CD40: variants seen among roughly 807,000 people sequenced by gnomAD.
CD40 encodes the protein tumor necrosis factor receptor superfamily member 5.
Under a neutral mutation model 38.5 loss-of-function variants are expected in CD40, and 19 were observed. The ratio of observed to expected loss-of-function variants is 0.49; its 90% CI spans 0.34 to 0.72. The LOEUF (loss-of-function observed/expected upper bound fraction) is 0.72. CD40 is among the 30% of genes least tolerant of loss of function. The probability of loss-of-function intolerance (pLI) is 0.01; values close to 1 mark genes in which losing one functional copy is unlikely to be tolerated. For missense variants in CD40, 256 were observed against 344.1 expected (o/e 0.74, Z 2.03); for synonymous variants, 130 against 128.7 (o/e 1.01, Z -0.07).
In CD40 at chr20:46,118,314, A is replaced by T. The variant is rs751711543; in HGVS notation, c.-30A>T. On this transcript the variant is annotated 5_prime_UTR_variant, in exon 1 of 9. Transcript: ENST00000372285. ...CAGCAGAGGCCTCGCTCGGGCGCCCAGTGGTCCTGCCGCCTGGTCTCACCT... is the reference window on the plus strand; with the variant it reads ...CAGCAGAGGCCTCGCTCGGGCGCCCTGTGGTCCTGCCGCCTGGTCTCACCT... 2.5e-6 allele frequency: 4 copies of T among 1,610,626 alleles called. No individual in the cohort carries two copies. Among genetic ancestry groups the T allele is most frequent in the Non-Finnish European group, 3.4e-6 (4 of 1,177,908 alleles).
rs2085444400 is a variant in CD40 at position 46,126,710 on chromosome 20, T to C, written c.559+9T>C. The C allele has an allele frequency of 6.2e-7, 1 of 1,613,986 alleles. No individual in the cohort carries two copies. The highest frequency in any genetic ancestry group is 1.1e-5 in the South Asian group (1 of 91,080). ...GACTGATGTTGTCTGTGGTGAGTCCTGGACAATGGGCCCTGGAGAAAGCCT... is the reference window on the plus strand; with the variant it reads ...GACTGATGTTGTCTGTGGTGAGTCCCGGACAATGGGCCCTGGAGAAAGCCT... On this transcript the variant is annotated intron_variant, in intron 6 of 8. Coordinates refer to ENST00000372285, the MANE Select transcript of CD40 (RefSeq NM_001250.6).
chr20:46,120,241 T>C (rs374411674), intron 1 of CD40, among the ~76,000 whole-genome samples: 6 of 152,354 alleles, frequency 3.9e-5, no homozygotes, highest in African/African-American at 1.2e-4. Context: ...GCACCTACTA[T>C]GTTCCTGACA....
At chr20:46,123,842 T>G (rs1220013956) in intron 5 of CD40, among the ~76,000 whole-genome samples, 1 of 152,206 alleles carries the variant, frequency 6.6e-6, no homozygotes, top group African/African-American at 2.4e-5. Flanking sequence ...TTTGAGATGC[T>G]TCCTGTCTCT....
chr20:46,125,348 A>T (rs1383136620), intron 5 of CD40, among the ~76,000 whole-genome samples: 1 of 151,732 alleles, frequency 6.6e-6, no homozygotes, highest in Non-Finnish European at 1.5e-5. Flanking sequence ...GATCGAGACC[A>T]TCCTGGCTAA....
At chr20:46,119,377 G>A (rs2085273935) in intron 1 of CD40, among the ~76,000 whole-genome samples, 1 of 152,164 alleles carries the variant, frequency 6.6e-6, no homozygotes, top group Non-Finnish European at 1.5e-5. Context: ...GGAAGAGAGG[G>A]AGTGGGGAGG....
intron 7 of CD40, 27 bp from the exon 8 acceptor site, chr20:46,128,303 C>CG (rs1568912329): frequency 1.5e-6 from 2 of 1,354,578 alleles, no homozygotes; most frequent in South Asian, 2.4e-5. Flanking sequence ...AACTCCCCAT[C>CG]CTTTTTTTTT....
chr20:46,126,205 AC>A (rs1209539581), intron 5 of CD40, among the ~76,000 whole-genome samples: 1 of 141,608 alleles, frequency 7.1e-6, no homozygotes, highest in African/African-American at 2.6e-5. Context: ...AGGACAGCCC[AC>A]CCCCACCCCC....
At chr20:46,128,581 GTTC>G in intron 8 of CD40, 2 of 710,320 alleles carry the variant, frequency 2.8e-6, no homozygotes, top group Non-Finnish European at 5.1e-6. Flanking sequence ...AACACTGGCT[GTTC>G]TTCACTCCTT....
intron 1 of CD40, among the ~76,000 whole-genome samples, chr20:46,120,929 G>C (rs1481823352): frequency 6.6e-6 from 1 of 152,186 alleles, no homozygotes; most frequent in Non-Finnish European, 1.5e-5. Flanking sequence ...GCCGGGCATA[G>C]TGGTACACAC....
chr20:46,121,720 T>C, intron 1 of CD40, 100 bp from the exon 2 acceptor site: 2 of 894,600 alleles, frequency 2.2e-6, no homozygotes, highest in Non-Finnish European at 3.8e-6. Context: ...GACTTGCACT[T>C]CAGTTTGCAG....
At chr20:46,125,526 G>T (rs550675325) in intron 5 of CD40, among the ~76,000 whole-genome samples, 3 of 118,316 alleles carry the variant, frequency 2.5e-5, no homozygotes, top group Non-Finnish European at 4.9e-5. Flanking sequence ...CCAGTCTGGC[G>T]AAAGAGCAAG....
At chr20:46,126,764 AG>A in intron 6 of CD40, 63 bp downstream of exon 6, 2 of 1,613,258 alleles carry the variant, frequency 1.2e-6, no homozygotes, top group Non-Finnish European at 1.7e-6. Context: ...GGGGGAGATG[AG>A]GCACACAGGA....
chr20:46,124,534 C>T (rs891765454), intron 5 of CD40, among the ~76,000 whole-genome samples: 1 of 145,886 alleles, frequency 6.9e-6, no homozygotes, highest in Non-Finnish European at 1.5e-5. Context: ...CACAAAATTT[C>T]CCTCCTTTTA....
intron 6 of CD40, chr20:46,127,101 T>A (rs781693104): frequency 4.0e-6 from 1 of 252,098 alleles, no homozygotes; most frequent in Non-Finnish European, 7.9e-6. Context: ...AACCTGCACA[T>A]TATGCACATG....
At chr20:46,124,612 T>C (rs895102625) in intron 5 of CD40, among the ~76,000 whole-genome samples, 1 of 151,736 alleles carries the variant, frequency 6.6e-6, no homozygotes, top group Non-Finnish European at 1.5e-5. Context: ...GATTGAAAAT[T>C]CCTTAAATGT....
In CD40 at chr20:46,122,955, G is replaced by A. The variant is rs2085349040; in HGVS notation, c.404-171G>A. 2 of 897,200 alleles carry A rather than the reference G, an allele frequency of 2.2e-6. No homozygotes were observed. The highest frequency in any genetic ancestry group is 1.5e-5 in the South Asian group (1 of 67,748). 55.6% of individuals were successfully genotyped at this position (897,200 alleles called of 1,614,324 possible). A position where few individuals can be genotyped will look rare whatever the true frequency, so the allele number is the denominator to read the frequency against. ...CTGCCATGGGGATCTGCCTTTGAAG[G>A]GCAATGGGAGAAGTCCTCCTGGGGA... On this transcript the variant is annotated intron_variant, in intron 4 of 8. Transcript: ENST00000372285. This position sits in a 1 kb window ranked among gnomAD's most constrained non-coding sequence, Gnocchi z 5.0.
At chr20:46,127,987 C>T (rs1268964402) in intron 6 of CD40, 151 bp from the exon 7 acceptor site, 3 of 1,483,416 alleles carry the variant, frequency 2.0e-6, no homozygotes, top group African/African-American at 2.8e-5. Context: ...AGACATCTGC[C>T]AGCCACATTT....
intron 1 of CD40, among the ~76,000 whole-genome samples, chr20:46,119,072 C>T (rs1600651483): frequency 0.029 from 2 of 70 alleles, no homozygotes; most frequent in African/African-American, 0.091. Context: ...TTCTGGTTGG[C>T]TCTGACAGGG....
At chr20:46,121,117 TG>T (rs1225914607) in intron 1 of CD40, among the ~76,000 whole-genome samples, 1 of 152,052 alleles carries the variant, frequency 6.6e-6, no homozygotes, top group East Asian at 1.9e-4. Flanking sequence ...ATAGCATGGG[TG>T]GTACCTGGAT....
Sources: allele counts gnomAD v4.1 joint callset (sites outside exome capture counted in the v4.1 genomes callset), GRCh38; gene constraint gnomAD v4.1.1; non-coding constraint Gnocchi (gnomAD v3.1); transcripts MANE v1.5; gene names NCBI Gene and HGNC (gene_info 2026-07-23, HGNC 2026-07-21).